The following GGT7 variants were observed in gnomAD, a reference collection of about 807,000 sequenced individuals.
The protein encoded by GGT7 is glutathione hydrolase 7.
GGT7 carries 30 observed loss-of-function variants against 69.2 expected under a neutral mutation model. The ratio of observed to expected loss-of-function variants is 0.43; its 90% CI spans 0.32 to 0.59. The LOEUF (loss-of-function observed/expected upper bound fraction) is 0.59. Ranked by LOEUF, GGT7 falls within the 20% of genes least tolerant of loss-of-function variation. GGT7 has a pLI of 0.05. For synonymous variants in GGT7, 388 were observed against 391.8 expected, an observed-to-expected ratio of 0.99 and a Z score of 0.12; for missense variants, 733 against 901.1, an observed-to-expected ratio of 0.81 and a Z score of 2.39.
At position 34,861,124 on chromosome 20, in the gene GGT7, G is replaced by T. The variant is rs116017185; in HGVS notation, c.675+321C>A. ...CTAATCTTCCAATATATCAAGGGCTGGGAAAGTTATAGTCAACTGGCTCAG... is the reference window on the plus strand; with the variant it reads ...CTAATCTTCCAATATATCAAGGGCTTGGAAAGTTATAGTCAACTGGCTCAG... On this transcript the variant is annotated intron_variant, in intron 4 of 14. Transcript: ENST00000336431. Among the ~76,000 whole-genome samples, 640 of 152,226 alleles carry T rather than the reference G, an allele frequency of 4.2e-3. 2 individuals carry two copies. Among genetic ancestry groups the T allele is most frequent in the African/African-American group, 0.015 (607 of 41,526 alleles).
chr20:34,852,466 G>T lies in GGT7; in HGVS notation c.1392C>A (p.Val464=). 1 of 1,612,894 alleles carries T rather than the reference G, an allele frequency of 6.2e-7. No homozygotes were observed. The highest frequency in any genetic ancestry group is 8.5e-7 in the Non-Finnish European group (1 of 1,179,526). The change falls in exon 11 of 15, where the codon GTC becomes GTA. Residue 464 remains valine (V), a synonymous_variant. Coordinates refer to ENST00000336431, the MANE Select transcript of GGT7 (RefSeq NM_178026.3). ...CCGTGGGAGCTCCGTCTAGTTCATAGACAGGCAGGAGTGGGGCAGGGGCTG... is the reference window on the plus strand; with the variant it reads ...CCGTGGGAGCTCCGTCTAGTTCATATACAGGCAGGAGTGGGGCAGGGGCTG... ...SQAAPAPLLP[V]YELDGAPTAA...
At chr20:34,856,471 G>A (rs907850776) in intron 8 of GGT7, among the ~76,000 whole-genome samples, 1 of 152,184 alleles carries the variant, frequency 6.6e-6, no homozygotes, top group African/African-American at 2.4e-5. Context: ...AAAATTCTTA[G>A]GAAGTACAGG....
rs1464329011 is a variant in GGT7 at position 34,862,861 on chromosome 20, T to A, written c.510A>T (p.Ala170=). Residue 170 remains alanine (A), a synonymous_variant, in exon 3 of 15, where the codon GCA becomes GCT. Coordinates refer to ENST00000336431, the MANE Select transcript of GGT7 (RefSeq NM_178026.3). ...GAGCCACGATACCCAAACACAAGGC[T>A]GCTGCCACCGCTGCGTCCACAGAAG... ...QGSSVDAAVA[A]ALCLGIVAPH... 2.5e-6 allele frequency: 4 copies of A among 1,614,140 alleles called. No individual in the cohort carries two copies. The highest frequency in any genetic ancestry group is 3.4e-6 in the Non-Finnish European group (4 of 1,180,030).
rs762022378 is a variant in GGT7 at position 34,845,322 on chromosome 20, G to A, written c.*6C>T. 9.9e-6 allele frequency: 16 copies of A among 1,611,114 alleles called. No homozygotes were observed. Among genetic ancestry groups the A allele is most frequent in the African/African-American group, 1.3e-5 (1 of 74,882 alleles). Reference sequence around the variant, plus strand: ...GGGAGCAGAGACCCCGCCCCACCCCGCTGCTCTACAGGATGGTGGCTCCAG... The same window carrying A: ...GGGAGCAGAGACCCCGCCCCACCCCACTGCTCTACAGGATGGTGGCTCCAG... On this transcript the variant is annotated 3_prime_UTR_variant, in exon 15 of 15. Coordinates refer to ENST00000336431, the MANE Select transcript of GGT7 (RefSeq NM_178026.3).
intron 7 of GGT7, among the ~76,000 whole-genome samples, chr20:34,857,732 C>T (rs755339388): frequency 3.3e-5 from 5 of 151,418 alleles, no homozygotes; most frequent in Admixed American, 2.0e-4. Context: ...GATCCTCCTG[C>T]CTCAGCCTCC....
Position 34,845,007 on chromosome 20 carries a change from C to T in GGT7, c.*321G>A, listed in dbSNP as rs1363083954. ...CTTGAGAAGGGTTTGCAAGCACATC[C>T]CTAAGCTCGGGGCCAGCATGGCTGA... On this transcript the variant is annotated 3_prime_UTR_variant, in exon 15 of 15. Coordinates refer to ENST00000336431, the MANE Select transcript of GGT7 (RefSeq NM_178026.3). 8 of 340,306 alleles carry T rather than the reference C, an allele frequency of 2.4e-5. No homozygotes were observed. Among genetic ancestry groups the T allele is most frequent in the Non-Finnish European group, 1.6e-5 (3 of 184,348 alleles). The allele number at this position is 340,306 out of a possible 1,614,324, so 21.1% of individuals were successfully genotyped here.
At chr20:34,856,024 C>A (rs1478219944) in intron 8 of GGT7, among the ~76,000 whole-genome samples, 2 of 152,146 alleles carry the variant, frequency 1.3e-5, no homozygotes, top group African/African-American at 4.8e-5. Flanking sequence ...AACTCCTGGG[C>A]TCAAGTGATC....
At chr20:34,852,062 C>A in intron 12 of GGT7, 93 bp downstream of exon 12, 1 of 826,754 alleles carries the variant, frequency 1.2e-6, no homozygotes. Flanking sequence ...CTAGAAGATT[C>A]TGGAGAAAGT....
In GGT7 at chr20:34,845,504, C is replaced by G; in HGVS notation, c.1826-13G>C. 6.2e-7 allele frequency: 1 copy of G among 1,611,586 alleles called. No individual in the cohort carries two copies. The highest frequency in any genetic ancestry group is 8.5e-7 in the Non-Finnish European group (1 of 1,178,212). Reference sequence around the variant, plus strand: ...TCTGTGAACTCACCTGAAAACCATCCCCGACATATACACATTCAGAATGTA... The same window carrying G: ...TCTGTGAACTCACCTGAAAACCATCGCCGACATATACACATTCAGAATGTA... On this transcript the variant is annotated splice_polypyrimidine_tract_variant and intron_variant, in intron 14 of 14. Transcript: ENST00000336431.
chr20:34,855,270 G>A (rs1398315204), intron 8 of GGT7, among the ~76,000 whole-genome samples: 1 of 152,156 alleles, frequency 6.6e-6, no homozygotes, highest in Non-Finnish European at 1.5e-5. Context: ...CCTGTCATGT[G>A]TCTCCTTTTA....
intron 3 of GGT7, among the ~76,000 whole-genome samples, chr20:34,862,308 C>A (rs2079610389): frequency 6.6e-6 from 1 of 152,170 alleles, no homozygotes; most frequent in Non-Finnish European, 1.5e-5. Context: ...TATGAAAATT[C>A]TCAACTTTTT....
chr20:34,866,165 A>G (rs1601245398), intron 1 of GGT7, among the ~76,000 whole-genome samples: 1 of 152,370 alleles, frequency 6.6e-6, no homozygotes, highest in Non-Finnish European at 1.5e-5. Context: ...GATATATGCA[A>G]GAAATGTTTA....
At chr20:34,870,337 C>T (rs1304324290) in intron 1 of GGT7, among the ~76,000 whole-genome samples, 4 of 152,196 alleles carry the variant, frequency 2.6e-5, no homozygotes, top group Admixed American at 2.6e-4. Context: ...CCAAAATACT[C>T]CCTGAGGTTT....
In GGT7 at chr20:34,849,983, C is replaced by A; in HGVS notation, c.1803G>T (p.Gln601His). The change falls in exon 14 of 15, where the codon CAG becomes CAT. Residue 601 changes from glutamine to histidine, a missense_variant. Physicochemically the swap from Gln to His is conservative, Grantham distance 24 (BLOSUM62 0). Transcript: ENST00000336431. Reference sequence around the variant, plus strand: ...CACTGTCCACCTGCAGGAGGTTGGACTGCAGGTCCGGGTGTAGGCGGCCGC... The same window carrying A: ...CACTGTCCACCTGCAGGAGGTTGGAATGCAGGTCCGGGTGTAGGCGGCCGC... The part of the protein sequence containing the change: ...LARGRLHPDL[Q>H]SNLLQVDSEF... The A allele has an allele frequency of 6.2e-7, 1 of 1,612,392 alleles. No homozygotes were observed.
intron 10 of GGT7, among the ~76,000 whole-genome samples, chr20:34,853,731 C>G (rs6120743): frequency 1.3e-5 from 2 of 152,190 alleles, no homozygotes; most frequent in Non-Finnish European, 2.9e-5. Context: ...TTACCACAAC[C>G]TTACAAGGTT....
rs900704074 is a variant in GGT7, at chr20:34,861,449, G to T, written c.671C>A (p.Thr224Asn). 4 of 1,529,168 alleles carry T rather than the reference G, an allele frequency of 2.6e-6. 1 individual carries two copies. In the South Asian group the frequency reaches 3.6e-5, roughly 14 times the overall value. 94.7% of individuals were successfully genotyped at this position (1,529,168 alleles called of 1,614,324 possible). A position where few individuals can be genotyped will look rare whatever the true frequency, so the allele number is the denominator to read the frequency against. ...TCTTCTCACCAGGGTCCCCACCTTGGTCTCCCAGGATCTTTGCAGGGTCTC... is the reference window on the plus strand; with the variant it reads ...TCTTCTCACCAGGGTCCCCACCTTGTTCTCCCAGGATCTTTGCAGGGTCTC... ...REETLQRSWE[T>N]KPGLLVGVPG... The change falls in exon 4 of 15, where the codon ACC becomes AAC. Residue 224 changes from threonine to asparagine, a missense_variant. Transcript: ENST00000336431.
Position 34,860,171 on chromosome 20 carries a change from G to C in GGT7, c.743+83C>G, listed in dbSNP as rs968513634. ...GATATTAGGAGGGGGAGTTGGGAAA[G>C]GAAGAATCCAGGGAAGTAGGAGAAG... On this transcript the variant is annotated intron_variant, in intron 5 of 14. Coordinates refer to ENST00000336431, the MANE Select transcript of GGT7 (RefSeq NM_178026.3). The C allele has an allele frequency of 1.1e-5, 12 of 1,123,728 alleles. No homozygotes were observed. The African/African-American group carries it at 1.8e-4, about 17-fold the overall frequency. 69.6% of individuals were successfully genotyped at this position (1,123,728 alleles called of 1,614,324 possible).
rs2079277944 is a variant in GGT7 at position 34,845,085 on chromosome 20, G to C, written c.*243C>G. On this transcript the variant is annotated 3_prime_UTR_variant, in exon 15 of 15. Coordinates refer to ENST00000336431, the MANE Select transcript of GGT7 (RefSeq NM_178026.3). ...AGTCTGATTCCTCAAGGTCCTGCCT[G>C]CCTGGCTGTACTGTAGATGCTGACA... is the stretch of plus-strand genomic sequence containing the variant. 3.7e-6 allele frequency: 2 copies of C among 540,418 alleles called. No homozygotes were observed. Among genetic ancestry groups the C allele is most frequent in the South Asian group, 4.6e-5 (2 of 43,922 alleles). 33.5% of individuals were successfully genotyped at this position (540,418 alleles called of 1,614,324 possible). A position where few individuals can be genotyped will look rare whatever the true frequency, so the allele number is the denominator to read the frequency against.
At chr20:34,847,116 T>A (rs2079315627) in intron 14 of GGT7, among the ~76,000 whole-genome samples, 1 of 152,230 alleles carries the variant, frequency 6.6e-6, no homozygotes, top group Non-Finnish European at 1.5e-5. Flanking sequence ...CTCCCTCCAC[T>A]AGATTATAAG....
Sources: gnomAD v4.1 joint callset for allele counts (sites outside exome capture counted in the v4.1 genomes callset) on GRCh38, gnomAD v4.1.1 for gene constraint, MANE v1.5 for transcripts, NCBI Gene and HGNC (gene_info 2026-07-23, HGNC 2026-07-21) for gene names.